The following RTL4 variants were observed in gnomAD, a reference collection of about 807,000 sequenced individuals.
RTL4 encodes the protein retrotransposon Gag like 4, also known as retrotransposon Gag-like protein 4.
In RTL4, 4 loss-of-function variants were observed where a neutral mutation model predicts 5.3. The observed-to-expected ratio is 0.75, with a 90% CI of 0.37 to 1.72. RTL4 has a LOEUF of 1.72. Ranked by LOEUF, RTL4 falls within the 40% of genes most tolerant of loss-of-function variation. The pLI, the probability that RTL4 is intolerant of heterozygous loss-of-function variation, is 0.04. For missense variants in RTL4, 260 were observed against 227.1 expected, an observed-to-expected ratio of 1.14 and a Z score of -0.93; for synonymous variants, 98 against 87.3, an observed-to-expected ratio of 1.12 and a Z score of -0.68.
the RTL4 span, among the ~76,000 whole-genome samples, chrX:112,261,272 T>C: frequency 3.6e-5 from 4 of 111,577 alleles, no homozygotes; most frequent in Non-Finnish European, 7.5e-5. Flanking sequence ...GCAGAAGACA[T>C]GATTGTATAT....
the RTL4 span, among the ~76,000 whole-genome samples, chrX:112,160,477 G>A: frequency 8.9e-6 from 1 of 112,220 alleles, no homozygotes; most frequent in Non-Finnish European, 1.9e-5. Flanking sequence ...ATACAGAGAT[G>A]TATGAGATAA....
the RTL4 span, among the ~76,000 whole-genome samples, chrX:112,255,457 A>G: frequency 4.5e-5 from 5 of 112,069 alleles, no homozygotes; most frequent in Non-Finnish European, 9.4e-5. Context: ...CAGTGAAATT[A>G]CTGAACCTTA....
the RTL4 span, among the ~76,000 whole-genome samples, chrX:112,252,047 G>A: frequency 1.8e-5 from 2 of 111,573 alleles, no homozygotes; most frequent in Admixed American, 9.5e-5. Context: ...TCTGGGGGAC[G>A]ATTTGAGTGG....
chrX:112,299,257 G>A, the RTL4 span, among the ~76,000 whole-genome samples: 2 of 111,797 alleles, frequency 1.8e-5, no homozygotes, highest in Non-Finnish European at 3.8e-5. Context: ...CTGGCCATGA[G>A]CAAACTTATT....
the RTL4 span, among the ~76,000 whole-genome samples, chrX:112,083,309 C>T: frequency 8.9e-6 from 1 of 112,626 alleles, no homozygotes; most frequent in Non-Finnish European, 1.9e-5. Context: ...GGGCAGTGAC[C>T]TTTGCCCACC....
chrX:112,434,272 CT>C, the RTL4 span, among the ~76,000 whole-genome samples: 1 of 108,830 alleles, frequency 9.2e-6, no homozygotes, highest in Non-Finnish European at 1.9e-5. Context: ...AGGATTCCCT[CT>C]TTTTCTATTG....
At chrX:112,351,161 A>T in the RTL4 span, among the ~76,000 whole-genome samples, 2 of 110,734 alleles carry the variant, frequency 1.8e-5, no homozygotes, top group African/African-American at 6.6e-5. Flanking sequence ...TTCAGTTTCC[A>T]TGTAGTTGAG....
the RTL4 span, among the ~76,000 whole-genome samples, chrX:112,322,523 G>A: frequency 9.0e-6 from 1 of 111,165 alleles, no homozygotes; most frequent in Non-Finnish European, 1.9e-5. Context: ...CAGCCTTAAT[G>A]TAATTTTGTA....
chrX:112,341,520 A>G, the RTL4 span, among the ~76,000 whole-genome samples: 3 of 111,601 alleles, frequency 2.7e-5, no homozygotes, highest in South Asian at 7.5e-4. Flanking sequence ...AAAGTTCACC[A>G]TGTTGGTTTT....
At chrX:112,305,221 G>A in the RTL4 span, among the ~76,000 whole-genome samples, 3 of 106,743 alleles carry the variant, frequency 2.8e-5, no homozygotes, top group South Asian at 8.4e-4. Context: ...GCAGTGGCTC[G>A]ATCTCGGCTC....
the RTL4 span, among the ~76,000 whole-genome samples, chrX:112,084,076 C>T: frequency 9.0e-6 from 1 of 111,322 alleles, no homozygotes; most frequent in Non-Finnish European, 1.9e-5. Context: ...TCCTGTTGCT[C>T]TTTAACCCCC....
chrX:112,090,092 T>C, the RTL4 span, among the ~76,000 whole-genome samples: 2 of 111,050 alleles, frequency 1.8e-5, no homozygotes, highest in South Asian at 3.7e-4. Context: ...TCTGCAACTT[T>C]GCCAAATTTT....
the RTL4 span, among the ~76,000 whole-genome samples, chrX:112,110,583 T>C: frequency 3.6e-5 from 4 of 111,932 alleles, no homozygotes; most frequent in Non-Finnish European, 7.5e-5. Flanking sequence ...TTTACTTTTG[T>C]AAAAACTTAC....
At chrX:112,437,802 A>ATGGTGGTGGTGG in the RTL4 span, among the ~76,000 whole-genome samples, 5 of 76,994 alleles carry the variant, frequency 6.5e-5, no homozygotes, top group Non-Finnish European at 7.3e-5. Context: ...GGTGGTGGTG[A>ATGGTGGTGGTGG]TGGTGGTGGT....
At chrX:112,340,319 C>T in the RTL4 span, among the ~76,000 whole-genome samples, 1 of 110,990 alleles carries the variant, frequency 9.0e-6, no homozygotes, top group African/African-American at 3.3e-5. Flanking sequence ...AAGAGATTAC[C>T]ATGAATATAA....
At chrX:112,086,597 G>C in the RTL4 span, among the ~76,000 whole-genome samples, 19 of 112,210 alleles carry the variant, frequency 1.7e-4, no homozygotes, top group African/African-American at 6.2e-4. Flanking sequence ...CAAATCAGTT[G>C]AGTAAGCTCC....
the RTL4 span, among the ~76,000 whole-genome samples, chrX:112,322,381 G>C: frequency 2.8e-5 from 3 of 107,940 alleles, no homozygotes; most frequent in South Asian, 1.2e-3. Flanking sequence ...GGATATCTTA[G>C]AGTTATTATG....
At chrX:112,198,083 A>T in the RTL4 span, among the ~76,000 whole-genome samples, 1 of 111,790 alleles carries the variant, frequency 8.9e-6, no homozygotes, top group Non-Finnish European at 1.9e-5. Flanking sequence ...CACCAAAAAA[A>T]ATGTGACTAA....
At chrX:112,226,999 TA>T in the RTL4 span, among the ~76,000 whole-genome samples, 1 of 105,846 alleles carries the variant, frequency 9.4e-6, no homozygotes, top group African/African-American at 3.4e-5. Context: ...CAAAATAAAA[TA>T]AAATAAAATA....
Sources: gnomAD v4.1 joint callset for allele counts (sites outside exome capture counted in the v4.1 genomes callset) on GRCh38, gnomAD v4.1.1 for gene constraint, MANE v1.5 for transcripts, NCBI Gene and HGNC (gene_info 2026-07-23, HGNC 2026-07-21) for gene names.